Variants in NLN observed in about 807,000 individuals in gnomAD.
NLN encodes neurolysin, mitochondrial.
In NLN, 64 loss-of-function variants were observed where a neutral mutation model predicts 79.9. The ratio of observed to expected loss-of-function variants is 0.80; its 90% CI spans 0.65 to 0.99. The LOEUF (loss-of-function observed/expected upper bound fraction) is 0.99, where lower values mean the gene tolerates loss of function less well. Among genes scored for constraint, NLN ranks in the 50% least tolerant of loss-of-function variants. The pLI is 0.00. For synonymous variants in NLN, 267 were observed against 296.6 expected (o/e 0.90, Z 1.02); for missense variants, 835 against 858.7 (o/e 0.97, Z 0.34).
At chr5:65,729,369 C>CTTTTTTT (rs34963968) in intron 1 of NLN, among the ~76,000 whole-genome samples, 5 of 101,070 alleles carry the variant, frequency 4.9e-5, no homozygotes, top group Non-Finnish European at 7.6e-5. Flanking sequence ...GTTTTCTTTT[C>CTTTTTTT]TTTTTTTTTT....
intron 6 of NLN, 117 bp from the exon 7 acceptor site, chr5:65,785,658 G>A (rs961968149): frequency 4.5e-5 from 34 of 754,912 alleles, no homozygotes; most frequent in Admixed American, 3.4e-4. Flanking sequence ...AATTTAAATG[G>A]TCTAAAAATA....
chr5:65,733,701 G>C lies in NLN; in HGVS notation c.41+11287G>C. On this transcript the variant is annotated intron_variant, in intron 1 of 12. Transcript: ENST00000380985. ...TGGATACGCTTTCTTCTGGACCCTT[G>C]GGCACTAAAATCTAGGACACAGGTG... is the stretch of plus-strand genomic sequence containing the variant. 2.9e-5 allele frequency: 40 copies of C among 1,373,960 alleles called. 2 individuals are homozygous for C. The highest frequency in any genetic ancestry group is 3.9e-5 in the Non-Finnish European group (39 of 995,142). 85.1% of individuals were successfully genotyped at this position (1,373,960 alleles called of 1,614,324 possible). A position where few individuals can be genotyped will look rare whatever the true frequency, so the allele number is the denominator to read the frequency against.
In NLN at chr5:65,785,918, CTTTT is replaced by C; in HGVS notation, c.958+17_958+20del. 7.9e-7 allele frequency: 1 copy of C among 1,262,332 alleles called. No individual in the cohort carries two copies. The highest frequency in any genetic ancestry group is 1.4e-5 in the South Asian group (1 of 69,678). 78.2% of individuals were successfully genotyped at this position (1,262,332 alleles called of 1,614,324 possible). On this transcript the variant is annotated intron_variant, in intron 7 of 12. Transcript: ENST00000380985. ...GCGTAACAGCCTTTCTAGGTTAGTTCTTTTTTTTTTTTCTATGACTGTTTTGCTA... is the reference window on the plus strand; with the variant it reads ...GCGTAACAGCCTTTCTAGGTTAGTTCTTTTTTTTCTATGACTGTTTTGCTA...
chr5:65,759,981 A>G (rs771448804), intron 2 of NLN, among the ~76,000 whole-genome samples: 2 of 152,198 alleles, frequency 1.3e-5, no homozygotes, highest in Non-Finnish European at 2.9e-5. Flanking sequence ...CATACTTTGT[A>G]GAATAATTAT....
intron 1 of NLN, among the ~76,000 whole-genome samples, chr5:65,750,607 T>C (rs542186632): frequency 6.6e-6 from 1 of 152,294 alleles, no homozygotes; most frequent in East Asian, 1.9e-4. Context: ...TCCCAGCTAC[T>C]TGGGAGGCTG....
At position 65,777,548 on chromosome 5, in the gene NLN, T is replaced by G. The variant is rs193046994; in HGVS notation, c.558+14T>G. The G allele has an allele frequency of 1.1e-5, 16 of 1,468,356 alleles. No individual in the cohort carries two copies. Among genetic ancestry groups the G allele is most frequent in the East Asian group, 2.3e-5 (1 of 44,076 alleles). 91.0% of individuals were successfully genotyped at this position (1,468,356 alleles called of 1,614,324 possible). ...CAAGTACAGAATGTGAGTTTATGTTTTCTTTTCTTATCAGAAAAAAAAAAT... is the reference window on the plus strand; with the variant it reads ...CAAGTACAGAATGTGAGTTTATGTTGTCTTTTCTTATCAGAAAAAAAAAAT... On this transcript the variant is annotated intron_variant, in intron 4 of 12. Transcript: ENST00000380985.
intron 1 of NLN, among the ~76,000 whole-genome samples, chr5:65,723,231 A>G (rs905240576): frequency 1.3e-5 from 2 of 152,226 alleles, no homozygotes; most frequent in South Asian, 2.1e-4. Context: ...GCTATCAACA[A>G]AACTACTTTG....
chr5:65,796,014 G>A (rs528469569), intron 9 of NLN, among the ~76,000 whole-genome samples: 61 of 152,116 alleles, frequency 4.0e-4, no homozygotes, highest in Non-Finnish European at 7.2e-4. Context: ...GGTACCTCTT[G>A]TAGAAAAATA....
chr5:65,733,568 GC>G lies in NLN; in HGVS notation c.41+11157del. ...TGTGTACAGTCAGGGAAGTCAGGCA[GC>G]CCAAGAGGATCTTTTTTGGTCCCGT... On this transcript the variant is annotated intron_variant, in intron 1 of 12. Coordinates refer to ENST00000380985, the MANE Select transcript of NLN (RefSeq NM_020726.5). The G allele has an allele frequency of 2.0e-6, 3 of 1,500,416 alleles. 1 individual carries two copies. Among genetic ancestry groups the G allele is most frequent in the Non-Finnish European group, 2.7e-6 (3 of 1,092,954 alleles). The allele number at this position is 1,500,416 out of a possible 1,614,324, so 92.9% of individuals were successfully genotyped here. A position where few individuals can be genotyped will look rare whatever the true frequency, so the allele number is the denominator to read the frequency against.
chr5:65,814,738 G>A (rs537805929), intron 12 of NLN, among the ~76,000 whole-genome samples: 4 of 152,052 alleles, frequency 2.6e-5, no homozygotes, highest in African/African-American at 9.6e-5. Flanking sequence ...AATAAAAAAT[G>A]GAAAATAGAC....
At chr5:65,794,005 C>A (rs574522430) in intron 9 of NLN, among the ~76,000 whole-genome samples, 28 of 152,142 alleles carry the variant, frequency 1.8e-4, no homozygotes, top group African/African-American at 6.5e-4. Flanking sequence ...GGTGTCCTCA[C>A]TGAATATAAA....
chr5:65,774,728 TA>T (rs199885569), intron 3 of NLN, among the ~76,000 whole-genome samples: 15 of 98,592 alleles, frequency 1.5e-4, no homozygotes, highest in African/African-American at 4.8e-4. Context: ...TATATATATA[TA>T]TTTTTTTTTT....
At chr5:65,728,556 A>C (rs905271713) in intron 1 of NLN, among the ~76,000 whole-genome samples, 10 of 152,112 alleles carry the variant, frequency 6.6e-5, no homozygotes, top group African/African-American at 2.4e-4. Context: ...CTTTCTCCCA[A>C]ATTATAACCT....
At chr5:65,777,179 A>C (rs1759698296) in intron 3 of NLN, among the ~76,000 whole-genome samples, 1 of 152,238 alleles carries the variant, frequency 6.6e-6, no homozygotes, top group African/African-American at 2.4e-5. Flanking sequence ...TGGTACAGGC[A>C]CTGCTGATTT....
chr5:65,740,349 G>A (rs760931806), intron 1 of NLN, among the ~76,000 whole-genome samples: 6 of 151,958 alleles, frequency 3.9e-5, no homozygotes, highest in Non-Finnish European at 7.4e-5. Flanking sequence ...ACCCACTCCT[G>A]TTCTTCCCCA....
At chr5:65,739,869 T>C (rs1758833406) in intron 1 of NLN, among the ~76,000 whole-genome samples, 1 of 152,232 alleles carries the variant, frequency 6.6e-6, no homozygotes, top group African/African-American at 2.4e-5. Flanking sequence ...GCTATTGAAT[T>C]TATTGAGTTA....
chr5:65,766,559 A>G (rs1579934043), intron 3 of NLN, among the ~76,000 whole-genome samples: 1 of 152,278 alleles, frequency 6.6e-6, no homozygotes, highest in Admixed American at 6.5e-5. Flanking sequence ...TTGGGTAGGG[A>G]CACAGCCAAA....
intron 12 of NLN, among the ~76,000 whole-genome samples, chr5:65,814,219 C>T (rs1016952338): frequency 2.6e-5 from 4 of 152,098 alleles, no homozygotes; most frequent in Non-Finnish European, 4.4e-5. Context: ...ACCCTTCCTC[C>T]GTAGTTACCA....
At chr5:65,777,055 A>G (rs1046163889) in intron 3 of NLN, among the ~76,000 whole-genome samples, 1 of 152,232 alleles carries the variant, frequency 6.6e-6, no homozygotes, top group Admixed American at 6.5e-5. Context: ...CAAATGATAG[A>G]AAATTAAATC....
Sources: allele counts gnomAD v4.1 joint callset (sites outside exome capture counted in the v4.1 genomes callset), GRCh38; gene constraint gnomAD v4.1.1; transcripts MANE v1.5; gene names NCBI Gene and HGNC (gene_info 2026-07-23, HGNC 2026-07-21).